SORCS2: variants seen among roughly 807,000 people sequenced by gnomAD.
The protein encoded by SORCS2 is sortilin related VPS10 domain containing receptor 2, also known as VPS10 domain-containing receptor SorCS2.
A neutral mutation model predicts 141.6 loss-of-function variants in SORCS2; 100 were observed. The ratio of observed to expected loss-of-function variants is 0.71; its 90% CI spans 0.60 to 0.83. SORCS2 has a LOEUF of 0.83. Among genes scored for constraint, SORCS2 ranks in the 40% least tolerant of loss-of-function variants. SORCS2 has a pLI of 0.00. For missense variants in SORCS2, 1,646 were observed against 1,560.2 expected (o/e 1.05, Z -0.93); for synonymous variants, 789 against 676.9 (o/e 1.17, Z -2.57).
intron 9 of SORCS2, among the ~76,000 whole-genome samples, chr4:7,679,050 G>A (rs148953065): frequency 7.2e-5 from 11 of 152,290 alleles, no homozygotes; most frequent in Admixed American, 2.0e-4. Context: ...AATTCATGGT[G>A]GGGCTGGCAC....
intron 1 of SORCS2, among the ~76,000 whole-genome samples, chr4:7,281,387 G>T (rs1398033761): frequency 6.6e-6 from 1 of 152,098 alleles, no homozygotes; most frequent in African/African-American, 2.4e-5. Context: ...CCTCCTCCAG[G>T]CATCTGACTC....
rs1056064679 is a variant in SORCS2, at chr4:7,664,078, G to A, written c.953-275G>A. 2.0e-5 allele frequency among the ~76,000 whole-genome samples: 3 copies of A among 152,174 alleles called. No homozygotes were observed. Among genetic ancestry groups the A allele is most frequent in the Admixed American group, 6.5e-5 (1 of 15,284 alleles). On this transcript the variant is annotated intron_variant, in intron 6 of 26. Coordinates refer to ENST00000507866, the MANE Select transcript of SORCS2 (RefSeq NM_020777.3). The surrounding 1 kb of genome is among the most constrained non-coding windows in gnomAD (Gnocchi z 4.7). ...TGGGTGTGGCGAGGTACCCACCGTCGCCTGTGCTGACCCCTCCTGCAGGGG... is the reference window on the plus strand; with the variant it reads ...TGGGTGTGGCGAGGTACCCACCGTCACCTGTGCTGACCCCTCCTGCAGGGG...
intron 2 of SORCS2, among the ~76,000 whole-genome samples, chr4:7,483,862 T>G (rs996448600): frequency 6.6e-6 from 1 of 152,122 alleles, no homozygotes; most frequent in Non-Finnish European, 1.5e-5. Context: ...CATGTATACC[T>G]ATGTAACAAA....
intron 1 of SORCS2, among the ~76,000 whole-genome samples, chr4:7,315,786 C>A (rs1317651716): frequency 6.6e-6 from 1 of 152,206 alleles, no homozygotes; most frequent in Non-Finnish European, 1.5e-5. Flanking sequence ...TCCATAGCTT[C>A]TCTCCCCAGT....
In SORCS2 at chr4:7,742,667, C is replaced by G. The variant is rs140111673; in HGVS notation, c.*2403C>G. 130 of 152,368 alleles carry G rather than the reference C, an allele frequency of 8.5e-4. 1 individual carries two copies. Among genetic ancestry groups the G allele is most frequent in the African/African-American group, 2.9e-3 (121 of 41,564 alleles). The allele number at this position is 152,368 out of a possible 1,614,324, so 9.4% of individuals were successfully genotyped here. ...TGTCCCTGGTTGTAAATTCGAGGGT[C>G]TGCATATCTGATGTTCAGGTAGACC... On this transcript the variant is annotated 3_prime_UTR_variant, in exon 27 of 27. Transcript: ENST00000507866.
intron 3 of SORCS2, among the ~76,000 whole-genome samples, chr4:7,616,299 A>ACATC (rs1185752308): frequency 4.6e-5 from 7 of 151,980 alleles, no homozygotes; most frequent in South Asian, 4.2e-4. Context: ...ACATACACAC[A>ACATC]CATCCATCCA....
intron 21 of SORCS2, 90 bp from the exon 22 acceptor site, chr4:7,728,259 AG>A: frequency 1.2e-6 from 1 of 854,776 alleles, no homozygotes; most frequent in Non-Finnish European, 1.9e-6. Flanking sequence ...GGGACCATCC[AG>A]GGCATGTGGC....
At chr4:7,686,155 C>T (rs1356653163) in intron 10 of SORCS2, among the ~76,000 whole-genome samples, 2 of 152,222 alleles carry the variant, frequency 1.3e-5, no homozygotes, top group African/African-American at 4.8e-5. Context: ...ACCTCCTTCC[C>T]TCAATGGGGA....
intron 1 of SORCS2, among the ~76,000 whole-genome samples, chr4:7,378,249 T>C (rs147640459): frequency 2.8e-3 from 425 of 152,350 alleles, no homozygotes; most frequent in Admixed American, 9.6e-3. Context: ...CCATTGCTTC[T>C]CTTCAGGCTA....
chr4:7,727,812 G>A (rs1313153893), intron 21 of SORCS2, among the ~76,000 whole-genome samples: 1 of 152,222 alleles, frequency 6.6e-6, no homozygotes, highest in African/African-American at 2.4e-5. Context: ...AGCCCCTGGT[G>A]ACTTTAGAAT....
At position 7,504,598 on chromosome 4, in the gene SORCS2, C is replaced by T. The variant is rs577472824; in HGVS notation, c.549-26932C>T. Among the ~76,000 whole-genome samples, 21 of 152,300 alleles carry T rather than the reference C, an allele frequency of 1.4e-4. No homozygotes were observed. The South Asian group carries it at 3.9e-3, about 29-fold the overall frequency. ...AACCCACATCCATCTGGCTCTGGAC[C>T]CCAGGGCTGGCTTCCCAGCCATGTG... On this transcript the variant is annotated intron_variant, in intron 2 of 26. Transcript: ENST00000507866.
intron 1 of SORCS2, among the ~76,000 whole-genome samples, chr4:7,394,528 TG>T (rs764650935): frequency 1.4e-4 from 20 of 146,634 alleles, no homozygotes; most frequent in Non-Finnish European, 2.8e-4. Flanking sequence ...CTGGGGGATT[TG>T]GGGAAGAGCA....
At chr4:7,240,295 C>G (rs150449702) in intron 1 of SORCS2, among the ~76,000 whole-genome samples, 2 of 152,176 alleles carry the variant, frequency 1.3e-5, no homozygotes, top group Non-Finnish European at 2.9e-5. Flanking sequence ...AGCTGAGAAC[C>G]CTGCTGAGCT....
At chr4:7,487,123 A>G (rs1731036311) in intron 2 of SORCS2, among the ~76,000 whole-genome samples, 1 of 152,086 alleles carries the variant, frequency 6.6e-6, no homozygotes, top group South Asian at 2.1e-4. Context: ...CCCGGGTGGT[A>G]ACGATGTGAC....
intron 3 of SORCS2, among the ~76,000 whole-genome samples, chr4:7,593,654 G>C (rs965224110): frequency 1.1e-4 from 17 of 152,298 alleles, no homozygotes; most frequent in Middle Eastern, 3.4e-3. Flanking sequence ...GGCCAACCTG[G>C]GGGCGGGGGT....
chr4:7,258,301 A>C (rs6841241), intron 1 of SORCS2, among the ~76,000 whole-genome samples: 134,379 of 152,162 alleles, frequency 0.88, 59,487 homozygotes, highest in African/African-American at 0.92. Context: ...CTTCCCTAAC[A>C]CCACACCCAC....
chr4:7,313,036 G>T (rs938657158), intron 1 of SORCS2, among the ~76,000 whole-genome samples: 2 of 152,204 alleles, frequency 1.3e-5, no homozygotes, highest in Non-Finnish European at 2.9e-5. Context: ...GCGAGGACTG[G>T]GGGTCCTCTA....
chr4:7,479,949 G>C (rs1366339061), intron 2 of SORCS2, among the ~76,000 whole-genome samples: 1 of 152,220 alleles, frequency 6.6e-6, no homozygotes, highest in Non-Finnish European at 1.5e-5. Context: ...TCCAGCCCTG[G>C]GCGCCATTTA....
intron 8 of SORCS2, among the ~76,000 whole-genome samples, chr4:7,669,185 C>T (rs1722661589): frequency 1.3e-5 from 2 of 152,182 alleles, no homozygotes. Context: ...TGAAAAGACT[C>T]AAGAGACTCT....
Sources: gnomAD v4.1 joint callset for allele counts (sites outside exome capture counted in the v4.1 genomes callset) on GRCh38, gnomAD v4.1.1 for gene constraint, Gnocchi (gnomAD v3.1) non-coding constraint, MANE v1.5 for transcripts, NCBI Gene and HGNC (gene_info 2026-07-23, HGNC 2026-07-21) for gene names.